Variants in SEMA3E observed in about 807,000 individuals in gnomAD.
SEMA3E encodes the protein semaphorin-3E.
Under a neutral mutation model 93.6 loss-of-function variants are expected in SEMA3E, and 49 were observed. That is an observed-to-expected ratio of 0.52 (90% confidence interval 0.42 to 0.66). The LOEUF (loss-of-function observed/expected upper bound fraction) is 0.66. SEMA3E is among the 30% of genes least tolerant of loss of function. SEMA3E has a pLI of 0.00. For missense variants in SEMA3E, 906 were observed against 964.8 expected (o/e 0.94, Z 0.81); for synonymous variants, 363 against 330.7 (o/e 1.10, Z -1.06).
At chr7:83,412,003 T>C (rs1207008341) in intron 5 of SEMA3E, among the ~76,000 whole-genome samples, 1 of 152,170 alleles carries the variant, frequency 6.6e-6, no homozygotes, top group Non-Finnish European at 1.5e-5. Flanking sequence ...TAGCTCAAAA[T>C]CTGCTGTTTG....
At position 83,575,573 on chromosome 7, in the gene SEMA3E, C is replaced by CA. The variant is rs147128016; in HGVS notation, c.115+72854dup. ...TGAGTTTTAATATACAAAGCTCTCACAAAAAAACTATTTGTTTATTTTTAT... is the reference window on the plus strand; with the variant it reads ...TGAGTTTTAATATACAAAGCTCTCACAAAAAAAACTATTTGTTTATTTTTAT... On this transcript the variant is annotated intron_variant, in intron 1 of 16. Coordinates refer to ENST00000643230, the MANE Select transcript of SEMA3E (RefSeq NM_012431.3). Among the ~76,000 whole-genome samples, 1,151 of 152,054 alleles carry CA rather than the reference C, an allele frequency of 7.6e-3. 10 individuals are homozygous for CA. The highest frequency in any genetic ancestry group is 0.027 in the African/African-American group (1,105 of 41,474).
intron 1 of SEMA3E, among the ~76,000 whole-genome samples, chr7:83,590,147 T>A (rs1164649340): frequency 2.0e-5 from 3 of 152,182 alleles, no homozygotes; most frequent in Non-Finnish European, 2.9e-5. Context: ...ATTTTCACTG[T>A]AAAATGTCAA....
chr7:83,561,035 A>G (rs1005987444), intron 1 of SEMA3E, among the ~76,000 whole-genome samples: 2 of 152,064 alleles, frequency 1.3e-5, no homozygotes, highest in African/African-American at 4.8e-5. Context: ...ATATGTGATC[A>G]TGGAAATGTT....
At chr7:83,540,818 A>G (rs1414733974) in intron 1 of SEMA3E, among the ~76,000 whole-genome samples, 2 of 152,236 alleles carry the variant, frequency 1.3e-5, no homozygotes, top group Admixed American at 1.3e-4. Context: ...CTGAAATAAA[A>G]AGAATGCATT....
intron 1 of SEMA3E, among the ~76,000 whole-genome samples, chr7:83,496,600 T>C (rs1790495813): frequency 1.3e-5 from 2 of 152,064 alleles, no homozygotes; most frequent in African/African-American, 4.8e-5. Context: ...TAATTTGCTA[T>C]GGAGTTTCAA....
At chr7:83,627,418 T>C (rs970760966) in intron 1 of SEMA3E, among the ~76,000 whole-genome samples, 18 of 152,106 alleles carry the variant, frequency 1.2e-4, no homozygotes, top group African/African-American at 4.3e-4. Flanking sequence ...TTAGGATAGT[T>C]AGTGAATCTG....
intron 1 of SEMA3E, among the ~76,000 whole-genome samples, chr7:83,541,221 G>T (rs1042548859): frequency 6.6e-6 from 1 of 152,092 alleles, no homozygotes; most frequent in African/African-American, 2.4e-5. Flanking sequence ...AGAGGGACTG[G>T]GTAGGTAGGA....
At chr7:83,470,179 TG>T (rs1413245325) in intron 2 of SEMA3E, among the ~76,000 whole-genome samples, 13 of 152,342 alleles carry the variant, frequency 8.5e-5, no homozygotes, top group African/African-American at 2.9e-4. Context: ...TTAAGTTTGT[TG>T]GTTTATTCTC....
chr7:83,406,714 A>T (rs1418269242), intron 7 of SEMA3E, among the ~76,000 whole-genome samples: 3 of 152,108 alleles, frequency 2.0e-5, no homozygotes, highest in Admixed American at 6.6e-5. Context: ...GGCTTTTTTA[A>T]AAATAATTTT....
intron 1 of SEMA3E, among the ~76,000 whole-genome samples, chr7:83,492,423 T>C (rs1790405688): frequency 6.6e-6 from 1 of 152,052 alleles, no homozygotes; most frequent in South Asian, 2.1e-4. Flanking sequence ...CCAATTTGCC[T>C]ACTTTCTAAG....
At position 83,400,154 on chromosome 7, in the gene SEMA3E, C is replaced by T. The variant is rs961836411; in HGVS notation, c.1240G>A (p.Ala414Thr). ...GGTTTTTTATGGGCAGGTTTTATGG[C>T]CTGGTACATTAGTGGATGACTTCTT... ...FARSHPLMYQ[A>T]IKPAHKKPIL... is the part of the protein sequence containing the mutation. Residue 414 changes from alanine to threonine, a missense_variant, in exon 11 of 17, where the codon GCC becomes ACC. By Grantham distance (58) the Ala-to-Thr change is moderately conservative. Coordinates refer to ENST00000643230, the MANE Select transcript of SEMA3E (RefSeq NM_012431.3). 9.3e-6 allele frequency: 15 copies of T among 1,613,924 alleles called. No homozygotes were observed. The highest frequency in any genetic ancestry group is 1.3e-5 in the Non-Finnish European group (15 of 1,179,952).
intron 1 of SEMA3E, among the ~76,000 whole-genome samples, chr7:83,534,579 TCA>T (rs1781848002): frequency 6.6e-6 from 1 of 152,190 alleles, no homozygotes; most frequent in Non-Finnish European, 1.5e-5. Context: ...TGGTCACAAT[TCA>T]CAGTTTGTAA....
chr7:83,413,203 C>G (rs1050207286), intron 5 of SEMA3E, among the ~76,000 whole-genome samples: 9 of 152,000 alleles, frequency 5.9e-5, no homozygotes, highest in Middle Eastern at 3.2e-3. Context: ...TGGAACGTAT[C>G]AAGAGTTTTG....
intron 1 of SEMA3E, among the ~76,000 whole-genome samples, chr7:83,590,403 GA>G (rs1430074245): frequency 6.6e-6 from 1 of 152,096 alleles, no homozygotes; most frequent in Non-Finnish European, 1.5e-5. Context: ...ATGACTATTG[GA>G]AATATTAGGT....
At chr7:83,487,157 T>C (rs892551339) in intron 2 of SEMA3E, among the ~76,000 whole-genome samples, 1 of 151,890 alleles carries the variant, frequency 6.6e-6, no homozygotes, top group African/African-American at 2.4e-5. Context: ...TACATGAGAG[T>C]GAGTAGGTGA....
At chr7:83,435,104 C>A (rs1255828626) in intron 4 of SEMA3E, among the ~76,000 whole-genome samples, 2 of 152,116 alleles carry the variant, frequency 1.3e-5, no homozygotes, top group Non-Finnish European at 2.9e-5. Flanking sequence ...ATATTGTGTC[C>A]ATTTAACAAA....
chr7:83,366,744 T>G lies in SEMA3E; in HGVS notation c.*842A>C, dbSNP rs1415349622. The G allele has an allele frequency of 6.6e-6, 1 of 152,168 alleles. No homozygotes were observed. The highest frequency in any genetic ancestry group is 1.5e-5 in the Non-Finnish European group (1 of 67,994). The allele number at this position is 152,168 out of a possible 1,614,324, so 9.4% of individuals were successfully genotyped here. On this transcript the variant is annotated 3_prime_UTR_variant, in exon 17 of 17. Coordinates refer to ENST00000643230, the MANE Select transcript of SEMA3E (RefSeq NM_012431.3). ...TCCATGTACCTACTGATAATCTGCT[T>G]TCAAATCTTTCCTAAACAGATATCC...
At chr7:83,593,445 AC>A (rs1261231805) in intron 1 of SEMA3E, among the ~76,000 whole-genome samples, 1 of 151,934 alleles carries the variant, frequency 6.6e-6, no homozygotes, top group Non-Finnish European at 1.5e-5. Context: ...TACAATATTA[AC>A]AAAAAATAAT....
intron 4 of SEMA3E, among the ~76,000 whole-genome samples, chr7:83,423,225 G>GAT (rs1788703567): frequency 6.6e-6 from 1 of 152,076 alleles, no homozygotes; most frequent in Non-Finnish European, 1.5e-5. Flanking sequence ...TCTGTGAAAG[G>GAT]ATATATTCTT....
Sources: allele counts gnomAD v4.1 joint callset (sites outside exome capture counted in the v4.1 genomes callset), GRCh38; gene constraint gnomAD v4.1.1; transcripts MANE v1.5; gene names NCBI Gene and HGNC (gene_info 2026-07-23, HGNC 2026-07-21).